Variants in OAS3 observed in about 807,000 individuals in gnomAD.
OAS3 encodes the protein 2'-5'-oligoadenylate synthetase 3, also known as 2'-5'-oligoadenylate synthase 3.
A neutral mutation model predicts 113.0 loss-of-function variants in OAS3; 107 were observed. The observed-to-expected ratio is 0.95, with a 90% confidence interval of 0.81 to 1.11. The LOEUF is 1.11. Among genes scored for constraint, OAS3 ranks in the 50% most tolerant of loss-of-function variants. The pLI is 0.00. For missense variants in OAS3, 1,258 were observed against 1,389.1 expected, an observed-to-expected ratio of 0.91 and a Z score of 1.50; for synonymous variants, 552 against 573.6, an observed-to-expected ratio of 0.96 and a Z score of 0.54.
intron 7 of OAS3, 133 bp downstream of exon 7, chr12:112,951,108 G>A: frequency 3.8e-6 from 3 of 793,008 alleles, no homozygotes; most frequent in Non-Finnish European, 5.9e-6. Flanking sequence ...TTGAGATACT[G>A]AAAGTAATCA....
rs765442551 is a variant in OAS3 at position 112,969,939 on chromosome 12, C to G, written c.3253-23C>G. Reference sequence around the variant, plus strand: ...TCTGCAGAAAGAATGGGGTTACCAACATCTCTTATAATACTTCCCCAGGCT... The same window carrying G: ...TCTGCAGAAAGAATGGGGTTACCAAGATCTCTTATAATACTTCCCCAGGCT... On this transcript the variant is annotated intron_variant, in intron 15 of 15. Coordinates refer to ENST00000228928, the MANE Select transcript of OAS3 (RefSeq NM_006187.4). 4 of 1,606,392 alleles carry G rather than the reference C, an allele frequency of 2.5e-6. No homozygotes were observed. In the Admixed American group the frequency reaches 5.1e-5, roughly 20 times the overall value.
chr12:112,972,182 A>G lies in OAS3; in HGVS notation c.*2209A>G, dbSNP rs2043990657. 6.6e-6 allele frequency: 1 copy of G among 152,208 alleles called. No homozygotes were observed. The highest frequency in any genetic ancestry group is 2.1e-4 in the South Asian group (1 of 4,826). The allele number at this position is 152,208 out of a possible 1,614,324, so 9.4% of individuals were successfully genotyped here. A position where few individuals can be genotyped will look rare whatever the true frequency, so the allele number is the denominator to read the frequency against. ...CACAGACTCTGGGCCTCCCCGCAAA[A>G]TGGCTCCAGAATTAGAGTAATTATG... On this transcript the variant is annotated 3_prime_UTR_variant, in exon 16 of 16. Coordinates refer to ENST00000228928, the MANE Select transcript of OAS3 (RefSeq NM_006187.4).
At position 112,949,302 on chromosome 12, in the gene OAS3, G is replaced by C. The variant is rs1036454498; in HGVS notation, c.1374+97G>C. ...GCAATGGAGCTGAGGTTGGGCTGGGGAACTGGACGGCCCAGGAAGGATGAT... is the reference window on the plus strand; with the variant it reads ...GCAATGGAGCTGAGGTTGGGCTGGGCAACTGGACGGCCCAGGAAGGATGAT... On this transcript the variant is annotated intron_variant, in intron 6 of 15. Coordinates refer to ENST00000228928, the MANE Select transcript of OAS3 (RefSeq NM_006187.4). 9.0e-6 allele frequency: 9 copies of C among 995,522 alleles called. No individual in the cohort carries two copies. In the African/African-American group the frequency reaches 1.4e-4, roughly 16 times the overall value. 61.7% of individuals were successfully genotyped at this position (995,522 alleles called of 1,614,324 possible). A position where few individuals can be genotyped will look rare whatever the true frequency, so the allele number is the denominator to read the frequency against.
In OAS3 at chr12:112,963,654, G is replaced by T. The variant is rs758668279; in HGVS notation, c.2229+197G>T. On this transcript the variant is annotated intron_variant, in intron 10 of 15. Transcript: ENST00000228928. This position sits in a 1 kb window ranked among gnomAD's most constrained non-coding sequence, Gnocchi z 4.6. ...CCCAGCCAGTGCCTGAGTGACACAGGGTTACAAAAAGCCTAACTCTGTCTC... is the reference window on the plus strand; with the variant it reads ...CCCAGCCAGTGCCTGAGTGACACAGTGTTACAAAAAGCCTAACTCTGTCTC... Among the ~76,000 whole-genome samples the T allele has an allele frequency of 1.3e-5, 2 of 152,122 alleles. No individual in the cohort carries two copies. The highest frequency in any genetic ancestry group is 2.9e-5 in the Non-Finnish European group (2 of 68,030).
intron 1 of OAS3, among the ~76,000 whole-genome samples, chr12:112,939,361 C>T (rs956446527): frequency 1.5e-5 from 2 of 130,296 alleles, no homozygotes; most frequent in East Asian, 2.3e-4. Context: ...GCTCTGTCAC[C>T]CAGGCTGGAG....
chr12:112,941,051 G>A (rs1042518451), intron 1 of OAS3, among the ~76,000 whole-genome samples: 15 of 152,074 alleles, frequency 9.9e-5, no homozygotes, highest in Admixed American at 3.3e-4. Context: ...AGCCCAGCAC[G>A]GTGGTGCATG....
chr12:112,957,385 T>G (rs948378082), intron 7 of OAS3, among the ~76,000 whole-genome samples: 64 of 152,364 alleles, frequency 4.2e-4, no homozygotes, highest in Non-Finnish European at 4.6e-4. Context: ...ATTATGATGT[T>G]GGCTGGTTAT....
At chr12:112,948,619 T>C (rs1393806238) in intron 5 of OAS3, among the ~76,000 whole-genome samples, 1 of 152,090 alleles carries the variant, frequency 6.6e-6, no homozygotes, top group Admixed American at 6.5e-5. Context: ...AGCTATGGTC[T>C]GGTTACCAGA....
At chr12:112,955,356 A>G (rs1370575455) in intron 7 of OAS3, among the ~76,000 whole-genome samples, 4 of 152,154 alleles carry the variant, frequency 2.6e-5, no homozygotes, top group Non-Finnish European at 5.9e-5. Context: ...TTCCAACACT[A>G]TGTTGAATAG....
rs771942987 is a variant in OAS3 at position 112,961,181 on chromosome 12, T to C, written c.1768T>C (p.Phe590Leu). The change falls in exon 8 of 16, where the codon TTC becomes CTC. Residue 590 changes from phenylalanine (F) to leucine (L), a missense_variant. Transcript: ENST00000228928. ...KACFAELRRN[F>L]MNIRPVKLKN... ...CTGCTTCGCAGAGCTGCGGAGGAACTTCATGAACATTCGCCCTGTCAAGCT... is the reference window on the plus strand; with the variant it reads ...CTGCTTCGCAGAGCTGCGGAGGAACCTCATGAACATTCGCCCTGTCAAGCT... 57 of 1,614,044 alleles carry C rather than the reference T, an allele frequency of 3.5e-5. No individual in the cohort carries two copies. In the South Asian group the frequency reaches 6.1e-4, roughly 17 times the overall value.
intron 2 of OAS3, among the ~76,000 whole-genome samples, chr12:112,943,520 A>C (rs1032738897): frequency 4.6e-5 from 7 of 152,154 alleles, no homozygotes; most frequent in African/African-American, 1.7e-4. Flanking sequence ...CGCACCCTGC[A>C]AAGTCCACTG....
rs755520115 is a variant in OAS3, at chr12:112,938,591, C to A, written c.61C>A (p.Pro21Thr). 2.5e-6 allele frequency: 4 copies of A among 1,610,468 alleles called. No homozygotes were observed. Among genetic ancestry groups the A allele is most frequent in the East Asian group, 2.2e-5 (1 of 44,728 alleles). Reference protein sequence around the residue: ...LDRFVARRLQPRKEFVEKARR... With the variant: ...LDRFVARRLQTRKEFVEKARR... ...CAGGTTCGTGGCCAGAAGGCTGCAGCCGCGGAAGGAGTTCGTAGAGAAGGC... is the reference window on the plus strand; with the variant it reads ...CAGGTTCGTGGCCAGAAGGCTGCAGACGCGGAAGGAGTTCGTAGAGAAGGC... Residue 21 changes from proline (P) to threonine (T), a missense_variant, in exon 1 of 16, where the codon CCG (proline) becomes ACG (threonine). Transcript: ENST00000228928.
At chr12:112,969,579 A>G (rs1273033080) in intron 14 of OAS3, 29 bp from the exon 15 acceptor site, 1 of 1,581,622 alleles carries the variant, frequency 6.3e-7, no homozygotes, top group Non-Finnish European at 8.6e-7. Flanking sequence ...GTTGCCAGGA[A>G]TAAGACTGTC....
chr12:112,960,087 G>C (rs1392319615), intron 7 of OAS3, among the ~76,000 whole-genome samples: 1 of 152,110 alleles, frequency 6.6e-6, no homozygotes, highest in Non-Finnish European at 1.5e-5. Context: ...TTTGGGGTTT[G>C]TGGAGATTTT....
At position 112,945,067 on chromosome 12, in the gene OAS3, T is replaced by A. The variant is rs1182678567; in HGVS notation, c.636+416T>A. The stretch of plus-strand genomic sequence containing the variant: ...TGGCTCATGGCTGGAATCCCAGCAC[T>A]TTGAGTGGCCGAGGCAGGTGGATCA... On this transcript the variant is annotated intron_variant, in intron 3 of 15. Transcript: ENST00000228928. 6 of 287,024 alleles carry A rather than the reference T, an allele frequency of 2.1e-5. No homozygotes were observed. The Admixed American group carries it at 2.4e-4, about 11-fold the overall frequency. The allele number at this position is 287,024 out of a possible 1,614,324, so 17.8% of individuals were successfully genotyped here. A position where few individuals can be genotyped will look rare whatever the true frequency, so the allele number is the denominator to read the frequency against.
At chr12:112,947,628 A>T (rs577008342) in intron 4 of OAS3, among the ~76,000 whole-genome samples, 1 of 152,140 alleles carries the variant, frequency 6.6e-6, no homozygotes, top group African/African-American at 2.4e-5. Context: ...ATTCTTGGAC[A>T]TGTTTTTTTG....
At chr12:112,945,155 T>C (rs1393323882) in intron 3 of OAS3, 12 of 202,550 alleles carry the variant, frequency 5.9e-5, no homozygotes, top group Non-Finnish European at 9.2e-5. Flanking sequence ...CTACTAAAAA[T>C]ACAAAATGTA....
chr12:112,949,239 C>T, intron 6 of OAS3, 34 bp downstream of exon 6: 2 of 1,573,086 alleles, frequency 1.3e-6, no homozygotes, highest in South Asian at 1.1e-5. Flanking sequence ...AGGGGGGACC[C>T]TATCGAGGGA....
Position 112,964,314 on chromosome 12 carries a change from T to A in OAS3, c.2309T>A (p.Leu770Gln). ...TTTCTCCAGCCCAACCGCCAGTTCCTGGCCCAGGTGAACAAGGCCGTTGAT... is the reference window on the plus strand; with the variant it reads ...TTTCTCCAGCCCAACCGCCAGTTCCAGGCCCAGGTGAACAAGGCCGTTGAT... The part of the protein sequence containing the change: ...SEFLQPNRQF[L>Q]AQVNKAVDTI... Residue 770 changes from leucine (L) to glutamine (Q), a missense_variant, in exon 11 of 16, where the codon CTG (leucine) becomes CAG (glutamine). Transcript: ENST00000228928. 1 of 1,610,382 alleles carries A rather than the reference T, an allele frequency of 6.2e-7. No homozygotes were observed. The highest frequency in any genetic ancestry group is 2.2e-5 in the East Asian group (1 of 44,816).
Sources: gnomAD v4.1 joint callset for allele counts (sites outside exome capture counted in the v4.1 genomes callset) on GRCh38, gnomAD v4.1.1 for gene constraint, Gnocchi (gnomAD v3.1) non-coding constraint, MANE v1.5 for transcripts, NCBI Gene and HGNC (gene_info 2026-07-23, HGNC 2026-07-21) for gene names.